The following DPP9 variants were observed in gnomAD, a reference collection of about 807,000 sequenced individuals.
DPP9 encodes the protein dipeptidyl peptidase 9, also known as dipeptidyl peptidase IV-related protein-2.
DPP9 carries 50 observed loss-of-function variants against 110.7 expected under a neutral mutation model. The ratio of observed to expected loss-of-function variants is 0.45; its 90% CI spans 0.36 to 0.57. The LOEUF (loss-of-function observed/expected upper bound fraction) is 0.57, where lower values mean the gene tolerates loss of function less well. DPP9 is among the 20% of genes least tolerant of loss of function. The pLI is 0.00. For synonymous variants in DPP9, 561 were observed against 514.4 expected, an observed-to-expected ratio of 1.09 and a Z score of -1.23; for missense variants, 1,022 against 1,217.9, an observed-to-expected ratio of 0.84 and a Z score of 2.39.
intron 16 of DPP9, 39 bp downstream of exon 16, chr19:4,688,718 G>C (rs375573230): frequency 2.2e-6 from 3 of 1,391,572 alleles, no homozygotes; most frequent in Non-Finnish European, 2.8e-6. Flanking sequence ...ACAGCCGGGC[G>C]GGCGGAGGCC....
chr19:4,708,473 T>G (rs1449709254), intron 4 of DPP9, among the ~76,000 whole-genome samples: 2 of 152,216 alleles, frequency 1.3e-5, no homozygotes, highest in Non-Finnish European at 2.9e-5. Context: ...ACTGTAGCTG[T>G]GGGTTCAGTG....
At position 4,719,887 on chromosome 19, in the gene DPP9, A is replaced by G; in HGVS notation, c.20T>C (p.Leu7Pro). The change falls in exon 3 of 22, where the codon CTG (leucine) becomes CCG (proline). Residue 7 changes from leucine to proline, a missense_variant. By Grantham distance (98) the Leu-to-Pro change is moderately conservative (BLOSUM62 -3). This residue lies in a region of DPP9 where 810 missense variants were observed against 920.6 expected (regional missense o/e 0.88). Transcript: ENST00000262960. ...TCCGGTGTTCTCCTTGTCCAGGCGC[A>G]GTTTCTTAACCTTCCGCATTAACCG... MRKVKK[L>P]RLDKENTGSW... is the part of the protein sequence containing the mutation. 6.4e-7 allele frequency: 1 copy of G among 1,551,704 alleles called. No individual in the cohort carries two copies. Among genetic ancestry groups the G allele is most frequent in the Non-Finnish European group, 8.7e-7 (1 of 1,146,984 alleles).
chr19:4,713,153 C>T (rs1040227061), intron 4 of DPP9, among the ~76,000 whole-genome samples: 1 of 152,194 alleles, frequency 6.6e-6, no homozygotes, highest in Non-Finnish European at 1.5e-5. Flanking sequence ...CCGGACGGCC[C>T]CACCCCAGAG....
chr19:4,688,584 G>GC, intron 16 of DPP9, 173 bp downstream of exon 16: 1 of 822,086 alleles, frequency 1.2e-6, no homozygotes, highest in Non-Finnish European at 1.7e-6. Context: ...GACGGCAGGG[G>GC]CTGTGGCTTA....
Position 4,687,426 on chromosome 19 carries a change from A to G in DPP9, c.1885+1331T>C, listed in dbSNP as rs1002969152. Among the ~76,000 whole-genome samples the G allele has an allele frequency of 6.6e-6, 1 of 152,120 alleles. No individual in the cohort carries two copies. The highest frequency in any genetic ancestry group is 2.4e-5 in the African/African-American group (1 of 41,406). On this transcript the variant is annotated intron_variant, in intron 16 of 21. Transcript: ENST00000262960. The surrounding 1 kb of genome is among the most constrained non-coding windows in gnomAD (Gnocchi z 4.7). ...TATATACAGTTTCGTTGATAAAGAA[A>G]CACTTCATGGTGATACGCTGATGTG...
rs1046113015 is a variant in DPP9 at position 4,687,443 on chromosome 19, G to A, written c.1885+1314C>T. Among the ~76,000 whole-genome samples the A allele has an allele frequency of 1.3e-5, 2 of 152,162 alleles. No individual in the cohort carries two copies. Among genetic ancestry groups the A allele is most frequent in the African/African-American group, 2.4e-5 (1 of 41,438 alleles). On this transcript the variant is annotated intron_variant, in intron 16 of 21. Coordinates refer to ENST00000262960, the MANE Select transcript of DPP9 (RefSeq NM_139159.5). The surrounding 1 kb of genome is among the most constrained non-coding windows in gnomAD (Gnocchi z 4.7). ...ATAAAGAAACACTTCATGGTGATAC[G>A]CTGATGTGTGTGACGGAGCCAGCAC... is the stretch of plus-strand genomic sequence containing the variant.
In DPP9 at chr19:4,714,198, T is replaced by C. The variant is rs1461947370; in HGVS notation, c.196A>G (p.Ile66Val). ...QKHSWDGLRSIIHGSRKYSGL... is the reference protein window; with the variant it reads ...QKHSWDGLRSVIHGSRKYSGL... ...GAGTACTTGCGGCTGCCGTGGATGATGCTCCGGAGCCCGTCCCACGAGTGC... is the reference window on the plus strand; with the variant it reads ...GAGTACTTGCGGCTGCCGTGGATGACGCTCCGGAGCCCGTCCCACGAGTGC... The change falls in exon 4 of 22, where the codon ATC becomes GTC. Residue 66 changes from isoleucine to valine, a missense_variant. By Grantham distance (29) the Ile-to-Val change is conservative. Coordinates refer to ENST00000262960, the MANE Select transcript of DPP9 (RefSeq NM_139159.5). The C allele has an allele frequency of 1.2e-6, 2 of 1,609,426 alleles. No individual in the cohort carries two copies. The highest frequency in any genetic ancestry group is 1.7e-5 in the Admixed American group (1 of 59,482).
In DPP9 at chr19:4,718,879, T is replaced by C. The variant is rs2093193557; in HGVS notation, c.56+972A>G. ...AGCCTAAGAGTATTAGAAAATTGAA[T>C]ACTGAGAAAGGTTCGCAGGGTCGAG... On this transcript the variant is annotated intron_variant, in intron 3 of 21. Transcript: ENST00000262960. This position sits in a 1 kb window ranked among gnomAD's most constrained non-coding sequence, Gnocchi z 4.3. Among the ~76,000 whole-genome samples the C allele has an allele frequency of 6.6e-6, 1 of 152,138 alleles. No individual in the cohort carries two copies. Among genetic ancestry groups the C allele is most frequent in the Non-Finnish European group, 1.5e-5 (1 of 68,030 alleles).
chr19:4,696,569 G>A (rs2091819617), intron 11 of DPP9, among the ~76,000 whole-genome samples: 1 of 152,040 alleles, frequency 6.6e-6, no homozygotes, highest in Non-Finnish European at 1.5e-5. Flanking sequence ...GACTGTCCTG[G>A]CCAACATGGT....
In DPP9 at chr19:4,689,867, ATGAACCATCCC is replaced by A; in HGVS notation, c.1597-156_1597-146del. 1.1e-6 allele frequency: 1 copy of A among 921,934 alleles called. No individual in the cohort carries two copies. Among genetic ancestry groups the A allele is most frequent in the Non-Finnish European group, 1.6e-6 (1 of 637,586 alleles). 57.1% of individuals were successfully genotyped at this position (921,934 alleles called of 1,614,324 possible). On this transcript the variant is annotated intron_variant, in intron 14 of 21. Coordinates refer to ENST00000262960, the MANE Select transcript of DPP9 (RefSeq NM_139159.5). The surrounding 1 kb of genome is among the most constrained non-coding windows in gnomAD (Gnocchi z 7.0). ...CCCAAGTCTGGCTTTAGGGCTGGAG[ATGAACCATCCC>A]TGAGAGATGCGCTTATCTGGCCCCG...
In DPP9 at chr19:4,704,227, G is replaced by T. The variant is rs1478323699; in HGVS notation, c.504C>A (p.Ile168=). Residue 168 remains isoleucine (I), a synonymous_variant, in exon 6 of 22, where the codon ATC becomes ATA. Coordinates refer to ENST00000262960, the MANE Select transcript of DPP9 (RefSeq NM_139159.5). The surrounding 1 kb of genome is among the most constrained non-coding windows in gnomAD (Gnocchi z 6.0). Reference sequence around the variant, plus strand: ...TCTCGCTGTGGAAGTCGTAGGAGGTGATGCCGAAGACCCCCAGGCGTTTCC... The same window carrying T: ...TCTCGCTGTGGAAGTCGTAGGAGGTTATGCCGAAGACCCCCAGGCGTTTCC... ...RERKRLGVFG[I]TSYDFHSESG... is the part of the protein sequence containing the mutation. The T allele has an allele frequency of 1.2e-6, 2 of 1,614,022 alleles. No individual in the cohort carries two copies. Among genetic ancestry groups the T allele is most frequent in the Non-Finnish European group, 1.7e-6 (2 of 1,179,894 alleles).
Position 4,704,121 on chromosome 19 carries a change from C to CAGGGCT in DPP9, c.600+4_600+9dup, listed in dbSNP as rs934411145. 7.4e-6 allele frequency: 12 copies of CAGGGCT among 1,613,734 alleles called. No homozygotes were observed. The highest frequency in any genetic ancestry group is 3.3e-5 in the Admixed American group (2 of 60,014). On this transcript the variant is annotated intron_variant, in intron 6 of 21. Coordinates refer to ENST00000262960, the MANE Select transcript of DPP9 (RefSeq NM_139159.5). The surrounding 1 kb of genome is among the most constrained non-coding windows in gnomAD (Gnocchi z 6.0). ...CGCCACCCCCGCACACAGCCAGGGC[C>CAGGGCT]AGGGCTCACCATGAAGCCGTTCTTG...
intron 4 of DPP9, among the ~76,000 whole-genome samples, chr19:4,709,170 G>A (rs919612244): frequency 2.0e-5 from 3 of 150,674 alleles, no homozygotes; most frequent in East Asian, 1.9e-4. Context: ...TGCCTGCCTC[G>A]GCCTCCCAAA....
rs922996798 is a variant in DPP9, at chr19:4,694,911, G to C, written c.1354-88C>G. 2.2e-6 allele frequency: 3 copies of C among 1,379,686 alleles called. No homozygotes were observed. Among genetic ancestry groups the C allele is most frequent in the Non-Finnish European group, 3.0e-6 (3 of 996,302 alleles). 85.5% of individuals were successfully genotyped at this position (1,379,686 alleles called of 1,614,324 possible). ...ACCAGTAATCCCAGTAGTTTGGGAGGCTGGGGCAGGAGACTTGCTTGAGCC... is the reference window on the plus strand; with the variant it reads ...ACCAGTAATCCCAGTAGTTTGGGAGCCTGGGGCAGGAGACTTGCTTGAGCC... On this transcript the variant is annotated intron_variant, in intron 12 of 21. Coordinates refer to ENST00000262960, the MANE Select transcript of DPP9 (RefSeq NM_139159.5). The surrounding 1 kb of genome is among the most constrained non-coding windows in gnomAD (Gnocchi z 4.0).
intron 3 of DPP9, chr19:4,719,382 T>C (rs2093220752): frequency 6.6e-6 from 1 of 152,138 alleles, no homozygotes; most frequent in South Asian, 2.1e-4. Flanking sequence ...ATGGACTCAG[T>C]GAGGTTGAAT....
chr19:4,722,116 A>C (rs1221580920), intron 2 of DPP9: 1 of 221,570 alleles, frequency 4.5e-6, no homozygotes, highest in Middle Eastern at 1.6e-3. Context: ...TGTCAACTAA[A>C]CAAGATACTC....
chr19:4,698,895 A>C lies in DPP9; in HGVS notation c.1075-1244T>G, dbSNP rs1395846792. Among the ~76,000 whole-genome samples, 1 of 152,184 alleles carries C rather than the reference A, an allele frequency of 6.6e-6. No individual in the cohort carries two copies. The highest frequency in any genetic ancestry group is 1.5e-5 in the Non-Finnish European group (1 of 68,026). The stretch of plus-strand genomic sequence containing the variant: ...AAAAGAAGGCCGGGTGTGGTGGCTC[A>C]CACCTGTAATCCCAACACTTTGGGA... On this transcript the variant is annotated intron_variant, in intron 10 of 21. Transcript: ENST00000262960. This position sits in a 1 kb window ranked among gnomAD's most constrained non-coding sequence, Gnocchi z 4.2.
In DPP9 at chr19:4,685,557, C is replaced by T. The variant is rs1311265936; in HGVS notation, c.2031+69G>A. On this transcript the variant is annotated intron_variant, in intron 17 of 21. Transcript: ENST00000262960. This position sits in a 1 kb window ranked among gnomAD's most constrained non-coding sequence, Gnocchi z 5.8. ...CTGGTTGACTGTTCTACAGCTGGCA[C>T]TTGAGTGGGGATGGGGAGTCCTCGG... is the stretch of plus-strand genomic sequence containing the variant. The T allele has an allele frequency of 1.3e-6, 2 of 1,490,716 alleles. No homozygotes were observed. The highest frequency in any genetic ancestry group is 1.8e-6 in the Non-Finnish European group (2 of 1,097,386). The allele number at this position is 1,490,716 out of a possible 1,614,324, so 92.3% of individuals were successfully genotyped here.
Position 4,679,665 on chromosome 19 carries a change from CCTGGGAG to C in DPP9, c.2586+163_2586+169del, listed in dbSNP as rs1416893962. 5 of 607,044 alleles carry C rather than the reference CCTGGGAG, an allele frequency of 8.2e-6. No homozygotes were observed. The Admixed American group carries it at 8.6e-5, about 10-fold the overall frequency. 37.6% of individuals were successfully genotyped at this position (607,044 alleles called of 1,614,324 possible). A position where few individuals can be genotyped will look rare whatever the true frequency, so the allele number is the denominator to read the frequency against. On this transcript the variant is annotated intron_variant, in intron 21 of 21. Coordinates refer to ENST00000262960, the MANE Select transcript of DPP9 (RefSeq NM_139159.5). Reference sequence around the variant, plus strand: ...AAGACAGGACTGATACATCAATGGCCCTGGGAGCTGGGAGGGCGGGGACACAGGGCTG... The same window carrying C: ...AAGACAGGACTGATACATCAATGGCCCTGGGAGGGCGGGGACACAGGGCTG...
Sources: gnomAD v4.1 joint callset for allele counts (sites outside exome capture counted in the v4.1 genomes callset) on GRCh38, gnomAD v4.1.1 for gene constraint, gnomAD v4.1.1 regional missense constraint, Gnocchi (gnomAD v3.1) non-coding constraint, MANE v1.5 for transcripts, NCBI Gene and HGNC (gene_info 2026-07-23, HGNC 2026-07-21) for gene names.